PCDHGB3: variants seen among roughly 807,000 people sequenced by gnomAD.
PCDHGB3 encodes protocadherin gamma subfamily B, 3, also known as protocadherin gamma-B3.
Under a neutral mutation model 59.2 loss-of-function variants are expected in PCDHGB3, and 40 were observed. The ratio of observed to expected loss-of-function variants is 0.68; its 90% CI spans 0.52 to 0.88. The LOEUF (loss-of-function observed/expected upper bound fraction) is 0.88. Ranked by LOEUF, PCDHGB3 falls within the 40% of genes least tolerant of loss-of-function variation. PCDHGB3 has a pLI of 0.00. For synonymous variants in PCDHGB3, 581 were observed against 503.6 expected, an observed-to-expected ratio of 1.15 and a Z score of -2.06; for missense variants, 1,309 against 1,187.9, an observed-to-expected ratio of 1.10 and a Z score of -1.50.
At chr5:141,394,710 C>T in intron 1 of PCDHGB3, 1 of 1,613,354 alleles carries the variant, frequency 6.2e-7, no homozygotes. Context: ...GCGAGCCCTG[C>T]TGGACAGAGA....
At chr5:141,460,724 A>C (rs1294708205) in intron 1 of PCDHGB3, among the ~76,000 whole-genome samples, 1 of 152,114 alleles carries the variant, frequency 6.6e-6, no homozygotes, top group African/African-American at 2.4e-5. Context: ...TGTTATAAGC[A>C]TATATACACA....
rs1409012917 is a variant in PCDHGB3 at position 141,512,928 on chromosome 5, T to A, written c.*1755T>A. On this transcript the variant is annotated 3_prime_UTR_variant, in exon 4 of 4. Transcript: ENST00000576222. ...CAAGTTTTATACTCTAATATTTATA[T>A]GGCTTTTTTTCTTCGACAAAAAAAT... is the stretch of plus-strand genomic sequence containing the variant. 1.3e-5 allele frequency: 2 copies of A among 152,190 alleles called. No individual in the cohort carries two copies. Among genetic ancestry groups the A allele is most frequent in the Non-Finnish European group, 2.9e-5 (2 of 68,044 alleles). The allele number at this position is 152,190 out of a possible 1,614,324, so 9.4% of individuals were successfully genotyped here.
intron 1 of PCDHGB3, chr5:141,376,748 G>A (rs1210343016): frequency 4.3e-6 from 2 of 467,530 alleles, no homozygotes; most frequent in Non-Finnish European, 7.4e-6. Flanking sequence ...CTGCAGTGGC[G>A]CAATCTCGGC....
intron 1 of PCDHGB3, chr5:141,422,908 C>T (rs1340882515): frequency 2.5e-6 from 4 of 1,614,126 alleles, no homozygotes; most frequent in Non-Finnish European, 3.4e-6. Context: ...CGACAATGCG[C>T]CCGAGATCCT....
chr5:141,477,884 G>A lies in PCDHGB3; in HGVS notation c.2416-16923G>A. On this transcript the variant is annotated intron_variant, in intron 1 of 3. Transcript: ENST00000576222. The surrounding 1 kb of genome is among the most constrained non-coding windows in gnomAD (Gnocchi z 4.9). ...TCGAGGTACCTCAGCTGGCCACCTA[G>A]TGTCACGGGTGGTAGGCTGGGACGC... 6.2e-7 allele frequency: 1 copy of A among 1,614,190 alleles called. No homozygotes were observed. The highest frequency in any genetic ancestry group is 8.5e-7 in the Non-Finnish European group (1 of 1,180,036).
At chr5:141,382,988 G>A (rs958046112) in intron 1 of PCDHGB3, 1 of 1,613,208 alleles carries the variant, frequency 6.2e-7, no homozygotes, top group East Asian at 2.2e-5. Context: ...TGGGCAGGAC[G>A]TATTCTCTAC....
At chr5:141,391,345 G>C (rs1233916830) in intron 1 of PCDHGB3, 1 of 139,580 alleles carries the variant, frequency 7.2e-6, no homozygotes, top group Admixed American at 7.6e-5. Context: ...CAGAGTCTCT[G>C]TCTGTTACTC....
intron 1 of PCDHGB3, among the ~76,000 whole-genome samples, chr5:141,380,915 GT>G (rs1776856822): frequency 6.6e-6 from 1 of 152,180 alleles, no homozygotes; most frequent in Admixed American, 6.5e-5. Flanking sequence ...TGCTTACATT[GT>G]TTAATAATCA....
In PCDHGB3 at chr5:141,491,696, G is replaced by A; in HGVS notation, c.2416-3111G>A. The A allele has an allele frequency of 6.2e-7, 1 of 1,612,390 alleles. No individual in the cohort carries two copies. The highest frequency in any genetic ancestry group is 8.5e-7 in the Non-Finnish European group (1 of 1,179,286). ...CGCTCTAATACGCTGCGGGAGCGGA[G>A]CCAGGTGAGGGGCTCGGCGCCGCCC... On this transcript the variant is annotated intron_variant, in intron 1 of 3. Coordinates refer to ENST00000576222, the MANE Select transcript of PCDHGB3 (RefSeq NM_018924.5). This position sits in a 1 kb window ranked among gnomAD's most constrained non-coding sequence, Gnocchi z 6.9.
intron 1 of PCDHGB3, chr5:141,388,223 A>G: frequency 6.2e-7 from 1 of 1,602,840 alleles, no homozygotes; most frequent in Non-Finnish European, 8.5e-7. Context: ...CTGAAAATCC[A>G]CTGAACTTTT....
At chr5:141,448,488 C>A (rs568050769) in intron 1 of PCDHGB3, among the ~76,000 whole-genome samples, 1 of 152,280 alleles carries the variant, frequency 6.6e-6, no homozygotes, top group African/African-American at 2.4e-5. Context: ...TTCCTCCTGT[C>A]CCCTGTAGGT....
At chr5:141,438,249 A>G (rs1166079222) in intron 1 of PCDHGB3, among the ~76,000 whole-genome samples, 2 of 152,168 alleles carry the variant, frequency 1.3e-5, no homozygotes, top group Non-Finnish European at 2.9e-5. Context: ...AAAAACTGTC[A>G]TTGAAGAGAC....
chr5:141,422,158 G>GA (rs1401712595), intron 1 of PCDHGB3: 2 of 1,571,916 alleles, frequency 1.3e-6, no homozygotes, highest in Middle Eastern at 1.7e-4. Flanking sequence ...TCTGGATTTT[G>GA]AAAAATATAG....
rs1254680765 is a variant in PCDHGB3 at position 141,491,399 on chromosome 5, A to G, written c.2416-3408A>G. ...CTGTCAGCGAAGTGCCTTCAGGGAA[A>G]CGCAGACGGGGACGGGGGTGGAGGG... On this transcript the variant is annotated intron_variant, in intron 1 of 3. Transcript: ENST00000576222. This position sits in a 1 kb window ranked among gnomAD's most constrained non-coding sequence, Gnocchi z 6.9. 3 of 1,613,998 alleles carry G rather than the reference A, an allele frequency of 1.9e-6. No homozygotes were observed. Among genetic ancestry groups the G allele is most frequent in the Non-Finnish European group, 2.5e-6 (3 of 1,180,028 alleles).
In PCDHGB3 at chr5:141,431,375, G is replaced by T. The variant is rs139873616; in HGVS notation, c.2415+58566G>T. ...ACGCGCCCTGGACCGCGAAGAAAAGGCTGCTCACCACCTGGTCCTTACGGC... is the reference window on the plus strand; with the variant it reads ...ACGCGCCCTGGACCGCGAAGAAAAGTCTGCTCACCACCTGGTCCTTACGGC... On this transcript the variant is annotated intron_variant, in intron 1 of 3. Coordinates refer to ENST00000576222, the MANE Select transcript of PCDHGB3 (RefSeq NM_018924.5). This position sits in a 1 kb window ranked among gnomAD's most constrained non-coding sequence, Gnocchi z 4.8. 21 of 1,613,422 alleles carry T rather than the reference G, an allele frequency of 1.3e-5. No homozygotes were observed. The African/African-American group carries it at 2.8e-4, about 21-fold the overall frequency.
At chr5:141,503,099 C>T (rs1286557930) in intron 2 of PCDHGB3, among the ~76,000 whole-genome samples, 1 of 151,884 alleles carries the variant, frequency 6.6e-6, no homozygotes, top group Non-Finnish European at 1.5e-5. Context: ...GTGGTCTGCC[C>T]GCCCCTGCCT....
chr5:141,442,720 T>C (rs941034636), intron 1 of PCDHGB3, among the ~76,000 whole-genome samples: 1 of 152,202 alleles, frequency 6.6e-6, no homozygotes, highest in Non-Finnish European at 1.5e-5. Flanking sequence ...GCCAGAGCAT[T>C]TGGGGCCTGT....
intron 1 of PCDHGB3, chr5:141,384,121 A>G (rs1779757093): frequency 1.2e-6 from 2 of 1,609,374 alleles, no homozygotes; most frequent in African/African-American, 1.3e-5. Context: ...GGTCACAACC[A>G]AAAACTTGGA....
chr5:141,398,985 A>T, intron 1 of PCDHGB3: 1 of 1,613,964 alleles, frequency 6.2e-7, no homozygotes, highest in Non-Finnish European at 8.5e-7. Flanking sequence ...GAACCGGGCA[A>T]ATCTTTAGTC....
Sources: gnomAD v4.1 joint callset for allele counts (sites outside exome capture counted in the v4.1 genomes callset) on GRCh38, gnomAD v4.1.1 for gene constraint, Gnocchi (gnomAD v3.1) non-coding constraint, MANE v1.5 for transcripts, NCBI Gene and HGNC (gene_info 2026-07-23, HGNC 2026-07-21) for gene names.